HDAC9: variants seen among roughly 807,000 people sequenced by gnomAD.
HDAC9 encodes the protein MEF-2 interacting transcription repressor (MITR) protein.
A neutral mutation model predicts 139.4 loss-of-function variants in HDAC9; 41 were observed. That is an observed-to-expected ratio of 0.29 (90% CI 0.23 to 0.38). The LOEUF (loss-of-function observed/expected upper bound fraction) is 0.38, where lower values mean the gene tolerates loss of function less well. HDAC9 is among the 10% of genes least tolerant of loss of function. HDAC9 has a pLI of 1.00. For synonymous variants in HDAC9, 517 were observed against 476.2 expected (o/e 1.09, Z -1.12); for missense variants, 1,147 against 1,297.0 (o/e 0.88, Z 1.78).
intron 1 of HDAC9, among the ~76,000 whole-genome samples, chr7:18,397,647 T>C (rs2128730092): frequency 6.6e-6 from 1 of 152,286 alleles, no homozygotes; most frequent in African/African-American, 2.4e-5. Flanking sequence ...TTTTTAAAAT[T>C]CATGTAATAT....
intron 2 of HDAC9, among the ~76,000 whole-genome samples, chr7:18,211,184 G>A (rs541912951): frequency 5.3e-5 from 8 of 152,146 alleles, no homozygotes; most frequent in African/African-American, 1.4e-4. Flanking sequence ...CATTTCACCC[G>A]TTGTTTTACA....
intron 2 of HDAC9, among the ~76,000 whole-genome samples, chr7:18,233,801 G>A (rs1793636300): frequency 6.6e-6 from 1 of 152,112 alleles, no homozygotes; most frequent in Admixed American, 6.6e-5. Context: ...CCTTGAAACA[G>A]TTACTAAGTT....
At chr7:18,420,135 C>T (rs1420001218) in intron 1 of HDAC9, among the ~76,000 whole-genome samples, 1 of 152,146 alleles carries the variant, frequency 6.6e-6, no homozygotes, top group Non-Finnish European at 1.5e-5. Context: ...TTTGGAAGGC[C>T]AGGCAGGAAC....
At chr7:18,759,387 G>A (rs1789171961) in intron 14 of HDAC9, among the ~76,000 whole-genome samples, 1 of 152,042 alleles carries the variant, frequency 6.6e-6, no homozygotes, top group African/African-American at 2.4e-5. Flanking sequence ...TAGATTCCCA[G>A]AGGAGCGCTA....
chr7:18,826,975 G>A (rs745847586), intron 17 of HDAC9, among the ~76,000 whole-genome samples: 5 of 150,688 alleles, frequency 3.3e-5, no homozygotes, highest in East Asian at 3.9e-4. Context: ...AAATTTAGCC[G>A]GGTGCAGTGC....
chr7:18,884,631 C>T (rs1411116459), intron 22 of HDAC9, among the ~76,000 whole-genome samples: 1 of 152,152 alleles, frequency 6.6e-6, no homozygotes, highest in Non-Finnish European at 1.5e-5. Flanking sequence ...GCTATAGTTA[C>T]TATTATAAAC....
At chr7:18,401,464 G>A (rs1331952941) in intron 1 of HDAC9, among the ~76,000 whole-genome samples, 1 of 152,126 alleles carries the variant, frequency 6.6e-6, no homozygotes, top group Non-Finnish European at 1.5e-5. Flanking sequence ...TTTGCACTTT[G>A]CATGATAAGA....
At chr7:18,266,468 C>T (rs902551843) in intron 2 of HDAC9, among the ~76,000 whole-genome samples, 1 of 152,074 alleles carries the variant, frequency 6.6e-6, no homozygotes, top group Non-Finnish European at 1.5e-5. Context: ...CAAACAATTG[C>T]ACAAGTACCT....
intron 1 of HDAC9, among the ~76,000 whole-genome samples, chr7:18,317,704 C>G (rs1421967937): frequency 6.6e-6 from 1 of 152,130 alleles, no homozygotes; most frequent in Non-Finnish European, 1.5e-5. Context: ...AGTGAAAAGC[C>G]TCTGGCCACC....
intron 1 of HDAC9, among the ~76,000 whole-genome samples, chr7:18,451,237 T>G (rs1364944044): frequency 6.6e-6 from 1 of 152,018 alleles, no homozygotes; most frequent in Non-Finnish European, 1.5e-5. Context: ...GACATAAATA[T>G]GCTAGCCCCT....
At chr7:18,593,862 A>C in intron 5 of HDAC9, 46 bp from the exon 6 acceptor site, 1 of 1,607,282 alleles carries the variant, frequency 6.2e-7, no homozygotes, top group African/African-American at 1.3e-5. Context: ...ACCAATATGC[A>C]GTAAAAACTA....
At chr7:18,809,004 G>T (rs1229401175) in intron 17 of HDAC9, among the ~76,000 whole-genome samples, 1 of 152,040 alleles carries the variant, frequency 6.6e-6, no homozygotes, top group Non-Finnish European at 1.5e-5. Flanking sequence ...ATAGACCAAT[G>T]GAATAGAATG....
chr7:18,991,240 A>G (rs1401994353), intron 25 of HDAC9, among the ~76,000 whole-genome samples: 1 of 152,226 alleles, frequency 6.6e-6, no homozygotes, highest in Non-Finnish European at 1.5e-5. Context: ...GAGATGAAAA[A>G]GAAAAATGAA....
In HDAC9 at chr7:18,739,088, T is replaced by C. The variant is rs149087715; in HGVS notation, c.1910-9917T>C. ...GCTTGTGCATGTGTCATGAAATTCT[T>C]GTGCCATGGTTTTCAGCTCCATCAG... On this transcript the variant is annotated intron_variant, in intron 13 of 25. Coordinates refer to ENST00000686413, the MANE Select transcript of HDAC9 (RefSeq NM_178425.4). Among the ~76,000 whole-genome samples the C allele has an allele frequency of 4.5e-3, 681 of 152,344 alleles. 8 individuals are homozygous for C. The highest frequency in any genetic ancestry group is 0.016 in the African/African-American group (648 of 41,576).
chr7:18,781,185 A>G (rs576874491), intron 16 of HDAC9, among the ~76,000 whole-genome samples: 2 of 152,106 alleles, frequency 1.3e-5, no homozygotes, highest in Non-Finnish European at 2.9e-5. Flanking sequence ...TTATGATCTC[A>G]TTTAACCTTA....
intron 12 of HDAC9, chr7:18,668,285 A>G (rs1795386742): frequency 9.4e-6 from 9 of 960,342 alleles, no homozygotes. Flanking sequence ...TCACCAACAT[A>G]TTTTGGTTAG....
At chr7:18,942,850 C>T (rs1007988728) in intron 23 of HDAC9, among the ~76,000 whole-genome samples, 22 of 151,722 alleles carry the variant, frequency 1.5e-4, no homozygotes, top group African/African-American at 3.6e-4. Context: ...CAACATTTAC[C>T]GGCACACCAC....
At chr7:18,727,822 G>T in intron 13 of HDAC9, 65 bp downstream of exon 13, 1 of 1,238,256 alleles carries the variant, frequency 8.1e-7, no homozygotes, top group Non-Finnish European at 1.1e-6. Context: ...AGGATTAACC[G>T]ATTTAAATGC....
At chr7:18,725,270 C>T (rs564653357) in intron 12 of HDAC9, among the ~76,000 whole-genome samples, 6 of 152,102 alleles carry the variant, frequency 3.9e-5, no homozygotes, top group African/African-American at 1.4e-4. Flanking sequence ...GTTTTTAATA[C>T]TATTTTTTGA....
Sources: gnomAD v4.1 joint callset for allele counts (sites outside exome capture counted in the v4.1 genomes callset) on GRCh38, gnomAD v4.1.1 for gene constraint, MANE v1.5 for transcripts, NCBI Gene and HGNC (gene_info 2026-07-23, HGNC 2026-07-21) for gene names.